The following GLRX2 variants were observed in gnomAD, a reference collection of about 807,000 sequenced individuals.
GLRX2 encodes glutaredoxin 2.
A neutral mutation model predicts 16.4 loss-of-function variants in GLRX2; 12 were observed. The ratio of observed to expected loss-of-function variants is 0.73; its 90% CI spans 0.47 to 1.19. The LOEUF is 1.19. Among genes scored for constraint, GLRX2 ranks in the 50% most tolerant of loss-of-function variants. GLRX2 has a pLI of 0.00. For missense variants in GLRX2, 201 were observed against 201.8 expected, an observed-to-expected ratio of 1.00 and a Z score of 0.02; for synonymous variants, 95 against 76.2, an observed-to-expected ratio of 1.25 and a Z score of -1.28.
chr1:193,101,605 T>A (rs780636393), intron 1 of GLRX2, among the ~76,000 whole-genome samples: 1 of 152,172 alleles, frequency 6.6e-6, no homozygotes, highest in Non-Finnish European at 1.5e-5. Context: ...AAGCAGGGAA[T>A]CTTCAAAGAT....
At chr1:193,098,151 C>G (rs546490256) in intron 2 of GLRX2, among the ~76,000 whole-genome samples, 1 of 152,156 alleles carries the variant, frequency 6.6e-6, no homozygotes, top group Non-Finnish European at 1.5e-5. Context: ...AGAGGAAGAT[C>G]AACAATTTGT....
At chr1:193,105,527 C>T, upstream of GLRX2, 1 of 1,564,866 alleles carries the variant, frequency 6.4e-7, no homozygotes, top group South Asian at 1.2e-5. Context: ...CTCCTCGCAG[C>T]TGAGCGCGTC....
At position 193,096,656 on chromosome 1, in the gene GLRX2, A is replaced by G; in HGVS notation, c.464T>C (p.Leu155Ser). 1 of 1,591,664 alleles carries G rather than the reference A, an allele frequency of 6.3e-7. No homozygotes were observed. Among genetic ancestry groups the G allele is most frequent in the Non-Finnish European group, 8.6e-7 (1 of 1,161,536 alleles). ...AAATTCTTTCCTCTTACTTTTTTTT[A>G]AATAACACTGATGAACTAGTGGGAG... ...KLLPLVHQCY[L>S]KKSKRKEFQ The change falls in exon 4 of 4, where the codon TTA becomes TCA. Residue 155 changes from leucine to serine, a missense_variant. Leu to Ser is a moderately radical substitution (Grantham distance 145). Coordinates refer to ENST00000367439, the MANE Select transcript of GLRX2 (RefSeq NM_197962.3).
chr1:193,100,180 A>G (rs985162623), intron 2 of GLRX2, among the ~76,000 whole-genome samples: 25 of 152,156 alleles, frequency 1.6e-4, no homozygotes, highest in Admixed American at 4.6e-4. Context: ...TTTACTTTAA[A>G]AGAGGCAATT....
chr1:193,103,390 G>A (rs575452729), intron 1 of GLRX2, among the ~76,000 whole-genome samples: 4 of 152,294 alleles, frequency 2.6e-5, no homozygotes, highest in African/African-American at 9.6e-5. Flanking sequence ...TGACAGCAAT[G>A]TGTTATGCCA....
At chr1:193,104,161 G>A (rs1675135562) in intron 1 of GLRX2, among the ~76,000 whole-genome samples, 1 of 152,184 alleles carries the variant, frequency 6.6e-6, no homozygotes, top group Non-Finnish European at 1.5e-5. Context: ...GAGGTAGGAG[G>A]TGCATTCTGA....
At chr1:193,105,940 G>T, upstream of GLRX2, 1 of 1,031,560 alleles carries the variant, frequency 9.7e-7, no homozygotes, top group African/African-American at 1.7e-5. Context: ...AAAATCCGGT[G>T]TTGAAGGTTT....
upstream of GLRX2, chr1:193,105,631 G>C: frequency 1.9e-6 from 3 of 1,599,788 alleles, no homozygotes; most frequent in Non-Finnish European, 2.6e-6. Context: ...CTTATCTCGA[G>C]GGTTCATCCG....
At chr1:193,105,573 T>G, upstream of GLRX2, 1 of 1,606,200 alleles carries the variant, frequency 6.2e-7, no homozygotes, top group South Asian at 1.1e-5. Context: ...TTCCAGCGAG[T>G]GCCACCCACG....
intron 1 of GLRX2, among the ~76,000 whole-genome samples, chr1:193,102,368 T>C (rs1398135079): frequency 6.6e-6 from 1 of 152,180 alleles, no homozygotes; most frequent in Non-Finnish European, 1.5e-5. Context: ...AGTCTTCTTT[T>C]TGAGATGGAG....
intron 2 of GLRX2, among the ~76,000 whole-genome samples, chr1:193,100,112 G>C (rs1340914503): frequency 2.6e-5 from 4 of 152,168 alleles, no homozygotes; most frequent in Non-Finnish European, 5.9e-5. Context: ...AGGGTTTCTA[G>C]AACTCTCTTC....
At chr1:193,104,915 T>C (rs1675154426) in intron 1 of GLRX2, among the ~76,000 whole-genome samples, 1 of 152,240 alleles carries the variant, frequency 6.6e-6, no homozygotes, top group South Asian at 2.1e-4. Context: ...TCCACTGCAG[T>C]ATTTGGGACA....
intron 2 of GLRX2, among the ~76,000 whole-genome samples, chr1:193,098,655 G>A (rs1021208892): frequency 8.6e-5 from 13 of 152,046 alleles, no homozygotes; most frequent in African/African-American, 1.9e-4. Flanking sequence ...AGGTTCAAGC[G>A]ATTCTCATGC....
intron 1 of GLRX2, 118 bp from the exon 2 acceptor site, chr1:193,101,322 A>T (rs956083592): frequency 4.9e-5 from 34 of 698,186 alleles, no homozygotes; most frequent in Non-Finnish European, 7.6e-5. Flanking sequence ...CAAAATAGAA[A>T]AAAATTTTAC....
At chr1:193,104,334 A>G (rs533915826) in intron 1 of GLRX2, among the ~76,000 whole-genome samples, 1 of 152,192 alleles carries the variant, frequency 6.6e-6, no homozygotes, top group Non-Finnish European at 1.5e-5. Context: ...GTCATGCCAC[A>G]TTTATGGAGC....
intron 2 of GLRX2, 77 bp from the exon 3 acceptor site, chr1:193,097,837 G>C (rs1427837452): frequency 2.8e-6 from 3 of 1,073,176 alleles, no homozygotes; most frequent in Admixed American, 6.3e-5. Flanking sequence ...AATGGAAAGG[G>C]TATGGATTTT....
chr1:193,105,448 T>C, upstream of GLRX2: 2 of 1,447,244 alleles, frequency 1.4e-6, no homozygotes, highest in Non-Finnish European at 1.8e-6. Context: ...GCCCGCCTCC[T>C]CCGGCCCGGC....
chr1:193,102,508 C>T (rs538540185), intron 1 of GLRX2, among the ~76,000 whole-genome samples: 1 of 152,262 alleles, frequency 6.6e-6, no homozygotes, highest in South Asian at 2.1e-4. Context: ...TGTACCACCA[C>T]ACCTGGCTAA....
chr1:193,099,264 CAT>C (rs1675024820), intron 2 of GLRX2, among the ~76,000 whole-genome samples: 1 of 152,148 alleles, frequency 6.6e-6, no homozygotes, highest in African/African-American at 2.4e-5. Context: ...TGTTTCTAAA[CAT>C]ATGAATGCCT....
Sources: allele counts gnomAD v4.1 joint callset (sites outside exome capture counted in the v4.1 genomes callset), GRCh38; gene constraint gnomAD v4.1.1; transcripts MANE v1.5; gene names NCBI Gene and HGNC (gene_info 2026-07-23, HGNC 2026-07-21).